The following C2 variants were observed in gnomAD, a reference collection of about 807,000 sequenced individuals.
C2 encodes complement C2, also known as C3/C5 convertase.
In C2, 64 loss-of-function variants were observed where a neutral mutation model predicts 85.2. That is an observed-to-expected ratio of 0.75 (90% CI 0.61 to 0.92). The LOEUF is 0.92. C2 is among the 40% of genes least tolerant of loss of function. The pLI is 0.00. For synonymous variants in C2, 311 were observed against 370.8 expected, an observed-to-expected ratio of 0.84 and a Z score of 1.85; for missense variants, 820 against 971.6, an observed-to-expected ratio of 0.84 and a Z score of 2.07.
chr6:31,916,588 C>T (rs903093204), upstream of C2, among the ~76,000 whole-genome samples: 4 of 147,112 alleles, frequency 2.7e-5, no homozygotes, highest in Non-Finnish European at 6.0e-5. Context: ...AGAGTGATGT[C>T]ACTGTTGTGT....
chr6:31,902,177 GCCT>G, intron 1 of C2, among the ~76,000 whole-genome samples: 1 of 146,932 alleles, frequency 6.8e-6, no homozygotes, highest in Middle Eastern at 3.7e-3. Flanking sequence ...GGACGGCCTT[GCCT>G]CCTCTTTGGC....
upstream of C2, chr6:31,927,589 T>C: frequency 6.4e-7 from 1 of 1,561,894 alleles, no homozygotes; most frequent in Non-Finnish European, 8.6e-7. The surrounding 1 kb of genome is among the most constrained non-coding windows in gnomAD (Gnocchi z 4.7). Context: ...CCCCAATCCC[T>C]GCTTATTATT....
upstream of C2, chr6:31,897,898 A>C (rs1766804404): frequency 9.5e-7 from 1 of 1,054,612 alleles, no homozygotes. Flanking sequence ...AGGGCGAGAC[A>C]CGCCTGGGCC....
intron 6 of C2, chr6:31,934,901 G>A: frequency 4.3e-6 from 1 of 234,150 alleles, no homozygotes; most frequent in Non-Finnish European, 7.0e-6. Context: ...CCAGCTACTT[G>A]GGAGGATGAG....
chr6:31,918,327 T>G (rs1013810252), upstream of C2, among the ~76,000 whole-genome samples: 1 of 151,872 alleles, frequency 6.6e-6, no homozygotes, highest in African/African-American at 2.4e-5. Context: ...TGGCTCACAC[T>G]TGTAATCCTA....
At position 31,920,444 on chromosome 6, in the gene C2, A is replaced by G. The variant is rs1768882168; in HGVS notation, c.-100+418A>G. ...TGAGGCCCCCACTGCCACCAATGCT[A>G]AGCCCAGAGCTGGGGTTGGGGTGGT... On this transcript the variant is annotated intron_variant, in intron 1 of 3. Coordinates refer to the C2 transcript ENST00000413154. This position sits in a 1 kb window ranked among gnomAD's most constrained non-coding sequence, Gnocchi z 5.6. 6.6e-6 allele frequency among the ~76,000 whole-genome samples: 1 copy of G among 152,152 alleles called. No homozygotes were observed. Among genetic ancestry groups the G allele is most frequent in the Non-Finnish European group, 1.5e-5 (1 of 68,006 alleles).
chr6:31,914,926 A>T (rs959715935), intron 1 of C2, among the ~76,000 whole-genome samples: 6 of 152,062 alleles, frequency 3.9e-5, no homozygotes, highest in African/African-American at 1.4e-4. Flanking sequence ...AACAACAACA[A>T]CAACAAAAAC....
At chr6:31,937,270 T>A in intron 7 of C2, 49 bp from the exon 8 acceptor site, 1 of 1,550,042 alleles carries the variant, frequency 6.5e-7, no homozygotes, top group South Asian at 1.1e-5. Flanking sequence ...TACCCCTAGG[T>A]GGTAGGTGGG....
upstream of C2, chr6:31,899,756 C>T: frequency 1.4e-6 from 1 of 715,672 alleles, no homozygotes; most frequent in Non-Finnish European, 2.2e-6. Flanking sequence ...CTCTCAAGAG[C>T]AAGTCTCTCC....
upstream of C2, among the ~76,000 whole-genome samples, chr6:31,899,080 G>GT (rs200227065): frequency 1.1e-3 from 165 of 150,988 alleles, 1 homozygote; most frequent in Admixed American, 6.8e-3. Flanking sequence ...AAAAAAAAAA[G>GT]TTTTTTTTTG....
At chr6:31,900,948 G>A (rs767090863), upstream of C2, 1 of 1,614,174 alleles carries the variant, frequency 6.2e-7, no homozygotes, top group Non-Finnish European at 8.5e-7. The surrounding 1 kb of genome is among the most constrained non-coding windows in gnomAD (Gnocchi z 9.7). Flanking sequence ...AGGGCATTCC[G>A]GCATTTCTCC....
intron 1 of C2, among the ~76,000 whole-genome samples, chr6:31,903,354 G>T (rs893205440): frequency 6.6e-6 from 1 of 152,238 alleles, no homozygotes; most frequent in South Asian, 2.1e-4. Flanking sequence ...AATAGGGAGG[G>T]TGTGGTGGCT....
chr6:31,944,107 C>T lies in C2; in HGVS notation c.1811-28C>T. 1 of 1,595,788 alleles carries T rather than the reference C, an allele frequency of 6.3e-7. No homozygotes were observed. The highest frequency in any genetic ancestry group is 8.6e-7 in the Non-Finnish European group (1 of 1,164,206). The stretch of plus-strand genomic sequence containing the variant: ...CCTGGATTCTGGGTAAAAGGACCAG[C>T]ACCAACATCCCCTTCTCTTGACTAT... On this transcript the variant is annotated intron_variant, in intron 14 of 17. Transcript: ENST00000299367. This position sits in a 1 kb window ranked among gnomAD's most constrained non-coding sequence, Gnocchi z 5.1.
intron 7 of C2, chr6:31,936,307 C>G: frequency 1.9e-6 from 1 of 531,736 alleles, no homozygotes. Flanking sequence ...CTTCCAGTTG[C>G]CAAAACCACA....
intron 1 of C2, among the ~76,000 whole-genome samples, chr6:31,902,401 A>AGC (rs548794323): frequency 2.2e-4 from 33 of 151,114 alleles, no homozygotes; most frequent in South Asian, 8.3e-4. Flanking sequence ...CGCATCCCGC[A>AGC]GCGCGCGCGC....
At chr6:31,909,813 C>T (rs545565193) in intron 1 of C2, among the ~76,000 whole-genome samples, 1 of 152,110 alleles carries the variant, frequency 6.6e-6, no homozygotes, top group Admixed American at 6.6e-5. Flanking sequence ...ATGTTCCCAC[C>T]AGGAGATTGT....
upstream of C2, chr6:31,927,570 C>A: frequency 6.5e-7 from 1 of 1,531,670 alleles, no homozygotes; most frequent in South Asian, 1.3e-5. The surrounding 1 kb of genome is among the most constrained non-coding windows in gnomAD (Gnocchi z 4.7). Flanking sequence ...TTTCACCCTT[C>A]AGTTCAGTCC....
intron 1 of C2, among the ~76,000 whole-genome samples, chr6:31,909,373 T>C (rs1187831865): frequency 1.3e-5 from 2 of 151,934 alleles, no homozygotes; most frequent in Non-Finnish European, 2.9e-5. Flanking sequence ...CTTGGCTCAC[T>C]GCAACCTCCA....
At chr6:31,915,335 C>T (rs926081504), upstream of C2, among the ~76,000 whole-genome samples, 4 of 152,284 alleles carry the variant, frequency 2.6e-5, no homozygotes, top group East Asian at 3.9e-4. Flanking sequence ...TCCTTTAATG[C>T]GCTCTGGGGT....
Sources: allele counts gnomAD v4.1 joint callset (sites outside exome capture counted in the v4.1 genomes callset), GRCh38; gene constraint gnomAD v4.1.1; non-coding constraint Gnocchi (gnomAD v3.1); transcripts MANE v1.5; gene names NCBI Gene and HGNC (gene_info 2026-07-23, HGNC 2026-07-21).